Variants in ACBD6 observed in about 807,000 individuals in gnomAD.
ACBD6 encodes the protein acyl-CoA binding domain containing 6.
ACBD6 carries 28 observed loss-of-function variants against 37.2 expected under a neutral mutation model. The observed-to-expected ratio is 0.75, with a 90% CI of 0.56 to 1.03. The LOEUF (loss-of-function observed/expected upper bound fraction) is 1.03, where lower values mean the gene tolerates loss of function less well. Ranked by LOEUF, ACBD6 falls within the 50% of genes least tolerant of loss-of-function variation. ACBD6 has a pLI of 0.00. For missense variants in ACBD6, 340 were observed against 337.4 expected, an observed-to-expected ratio of 1.01 and a Z score of -0.06; for synonymous variants, 113 against 126.8, an observed-to-expected ratio of 0.89 and a Z score of 0.73.
chr1:180,313,274 G>A (rs1412559677), intron 7 of ACBD6, among the ~76,000 whole-genome samples: 20 of 152,152 alleles, frequency 1.3e-4, no homozygotes, highest in Admixed American at 1.3e-3. Flanking sequence ...GGTTATGCTA[G>A]ACAAATTCAT....
chr1:180,419,992 A>C (rs1322256391), intron 4 of ACBD6, among the ~76,000 whole-genome samples: 3 of 152,240 alleles, frequency 2.0e-5, no homozygotes, highest in Non-Finnish European at 4.4e-5. Flanking sequence ...TTGGGTGCCC[A>C]TATCATAGAA....
intron 6 of ACBD6, among the ~76,000 whole-genome samples, chr1:180,339,725 G>T (rs572248624): frequency 2.6e-5 from 4 of 151,896 alleles, no homozygotes; most frequent in Non-Finnish European, 4.4e-5. Context: ...TCAACTACGT[G>T]TTAGGCACTG....
At chr1:180,300,163 C>T (rs1295956814) in intron 7 of ACBD6, among the ~76,000 whole-genome samples, 2 of 152,140 alleles carry the variant, frequency 1.3e-5, no homozygotes, top group African/African-American at 4.8e-5. Flanking sequence ...AAAATAATAA[C>T]TAAATCCCCA....
In ACBD6 at chr1:180,423,210, A is replaced by G. The variant is rs113178083; in HGVS notation, c.467+6970T>C. ...TTTCAAATTGCTGCAAATTTCCAAA[A>G]AAGTTTCCAATATATTTACTGAAAA... On this transcript the variant is annotated intron_variant, in intron 4 of 7. Transcript: ENST00000367595. Among the ~76,000 whole-genome samples, 655 of 152,326 alleles carry G rather than the reference A, an allele frequency of 4.3e-3. 4 individuals carry two copies. The highest frequency in any genetic ancestry group is 0.015 in the African/African-American group (604 of 41,570).
At chr1:180,303,305 A>G (rs1458980714) in intron 7 of ACBD6, among the ~76,000 whole-genome samples, 1 of 150,924 alleles carries the variant, frequency 6.6e-6, no homozygotes, top group Non-Finnish European at 1.5e-5. Flanking sequence ...CAAAAACTCA[A>G]TGAATCCAGG....
chr1:180,350,023 CTTTT>C (rs371542775), intron 6 of ACBD6, among the ~76,000 whole-genome samples: 46 of 65,548 alleles, frequency 7.0e-4, no homozygotes, highest in African/African-American at 1.3e-3. Context: ...TCCAGTGACC[CTTTT>C]TTTTTTTTTT....
intron 4 of ACBD6, among the ~76,000 whole-genome samples, chr1:180,419,195 G>A (rs887149105): frequency 1.3e-5 from 2 of 152,202 alleles, no homozygotes; most frequent in African/African-American, 2.4e-5. Flanking sequence ...AGCTTGCAGT[G>A]AGCAGAGATC....
intron 3 of ACBD6, among the ~76,000 whole-genome samples, chr1:180,446,940 C>T (rs1649498105): frequency 6.6e-6 from 1 of 152,080 alleles, no homozygotes; most frequent in African/African-American, 2.4e-5. Flanking sequence ...ACTTGGGAGG[C>T]TGAAGCAGGA....
rs558994125 is a variant in ACBD6 at position 180,434,736 on chromosome 1, A to G, written c.385-4474T>C. 71 of 549,316 alleles carry G rather than the reference A, an allele frequency of 1.3e-4. No individual in the cohort carries two copies. In the South Asian group the frequency reaches 1.3e-3, roughly 10 times the overall value. The allele number at this position is 549,316 out of a possible 1,614,324, so 34.0% of individuals were successfully genotyped here. ...CAATGTATTAATAAACTAGGAATAG[A>G]GTAAAACTACCTCAACAGGCCATAG... On this transcript the variant is annotated intron_variant, in intron 3 of 7. Coordinates refer to ENST00000367595, the MANE Select transcript of ACBD6 (RefSeq NM_032360.4).
chr1:180,320,569 G>A (rs1352968278), intron 6 of ACBD6, among the ~76,000 whole-genome samples: 1 of 152,122 alleles, frequency 6.6e-6, no homozygotes, highest in Non-Finnish European at 1.5e-5. Flanking sequence ...AATCTGGGAG[G>A]TAGGGGTTGC....
At chr1:180,306,776 A>G (rs1650398387) in intron 7 of ACBD6, among the ~76,000 whole-genome samples, 1 of 152,224 alleles carries the variant, frequency 6.6e-6, no homozygotes, top group African/African-American at 2.4e-5. Flanking sequence ...TATATCTTCA[A>G]ATATTAATTT....
rs562275031 is a variant in ACBD6, at chr1:180,477,113, T to C, written c.384+15156A>G. ...ATGTTTTTTCCTATACAGGAACAGG[T>C]AATGGATACATCTTGACAAAGGGAT... On this transcript the variant is annotated intron_variant, in intron 3 of 7. Transcript: ENST00000367595. Among the ~76,000 whole-genome samples the C allele has an allele frequency of 5.3e-5, 8 of 152,088 alleles. No homozygotes were observed. In the South Asian group the frequency reaches 1.5e-3, roughly 28 times the overall value.
chr1:180,332,078 A>G (rs1448676260), intron 6 of ACBD6, among the ~76,000 whole-genome samples: 2 of 152,242 alleles, frequency 1.3e-5, no homozygotes, highest in African/African-American at 4.8e-5. Flanking sequence ...AGGAATGCCA[A>G]GAATTGCCAG....
chr1:180,277,369 C>T (rs933085316), intron 9 of ACBD6: 2 of 152,114 alleles, frequency 1.3e-5, no homozygotes, highest in Non-Finnish European at 2.9e-5. Flanking sequence ...GCTGTTTCCC[C>T]CCTTGCTAAA....
At chr1:180,404,014 G>A (rs986493874) in intron 5 of ACBD6, among the ~76,000 whole-genome samples, 17 of 152,040 alleles carry the variant, frequency 1.1e-4, no homozygotes, top group African/African-American at 3.1e-4. Flanking sequence ...GCAGTGGTGC[G>A]ATCTCAGCTC....
chr1:180,282,665 AC>A (rs1649347478), intron 8 of ACBD6, among the ~76,000 whole-genome samples: 1 of 152,160 alleles, frequency 6.6e-6, no homozygotes, highest in South Asian at 2.1e-4. Flanking sequence ...CTTTTTCGAC[AC>A]CTGTCAACTG....
chr1:180,491,222 G>T (rs1049044337), intron 3 of ACBD6, among the ~76,000 whole-genome samples: 4 of 151,982 alleles, frequency 2.6e-5, no homozygotes, highest in African/African-American at 9.7e-5. Flanking sequence ...ACTGAAAATT[G>T]TTTAATTCAT....
exon 14 of ACBD6, chr1:180,270,890 GTGAGCCCAGC>G: frequency 4.8e-6 from 1 of 209,874 alleles, no homozygotes; most frequent in Non-Finnish European, 9.9e-6. Flanking sequence ...ACCCCTGGCT[GTGAGCCCAGC>G]GACGCCAGGG....
chr1:180,386,176 C>A (rs1478814991), intron 6 of ACBD6, among the ~76,000 whole-genome samples: 1 of 152,098 alleles, frequency 6.6e-6, no homozygotes, highest in African/African-American at 2.4e-5. Flanking sequence ...TCTCAAAAAA[C>A]AAACAAAAAC....
Sources: gnomAD v4.1 joint callset for allele counts (sites outside exome capture counted in the v4.1 genomes callset) on GRCh38, gnomAD v4.1.1 for gene constraint, MANE v1.5 for transcripts, NCBI Gene and HGNC (gene_info 2026-07-23, HGNC 2026-07-21) for gene names.